Variants in NKAIN2 observed in about 807,000 individuals in gnomAD.
NKAIN2 encodes sodium/potassium transporting ATPase interacting 2, also known as sodium/potassium-transporting ATPase subunit beta-1-interacting protein 2.
In NKAIN2, 14 loss-of-function variants were observed where a neutral mutation model predicts 32.6. The observed-to-expected ratio is 0.43, with a 90% CI of 0.28 to 0.67. NKAIN2 has a LOEUF of 0.67. Ranked by LOEUF, NKAIN2 falls within the 30% of genes least tolerant of loss-of-function variation. NKAIN2 has a pLI of 0.17. For missense variants in NKAIN2, 198 were observed against 258.3 expected (o/e 0.77, Z 1.60); for synonymous variants, 80 against 87.2 (o/e 0.92, Z 0.46).
chr6:124,495,602 G>A (rs1313616072), intron 3 of NKAIN2, among the ~76,000 whole-genome samples: 3 of 152,142 alleles, frequency 2.0e-5, no homozygotes, highest in Admixed American at 6.6e-5. Flanking sequence ...GAGGAGCAAG[G>A]TCTGAGCTCT....
chr6:124,231,051 C>A (rs1792426294), intron 1 of NKAIN2, among the ~76,000 whole-genome samples: 1 of 152,238 alleles, frequency 6.6e-6, no homozygotes, highest in South Asian at 2.1e-4. Flanking sequence ...CCCTGCAAAA[C>A]TGCAGGGGCA....
intron 3 of NKAIN2, among the ~76,000 whole-genome samples, chr6:124,497,461 A>G (rs1053366568): frequency 6.6e-6 from 1 of 152,146 alleles, no homozygotes; most frequent in African/African-American, 2.4e-5. Context: ...TTTAATGAAA[A>G]TGCCACTTTT....
chr6:123,975,026 G>A (rs1039899185), intron 1 of NKAIN2, among the ~76,000 whole-genome samples: 3 of 152,122 alleles, frequency 2.0e-5, no homozygotes, highest in Non-Finnish European at 2.9e-5. Context: ...TTTAGCGTAT[G>A]TTTGGTTATT....
intron 1 of NKAIN2, among the ~76,000 whole-genome samples, chr6:124,068,770 C>A (rs1783307063): frequency 6.8e-6 from 1 of 147,880 alleles, no homozygotes; most frequent in African/African-American, 2.5e-5. Context: ...GGGAAGGGAA[C>A]CAGCAACCAC....
intron 3 of NKAIN2, among the ~76,000 whole-genome samples, chr6:124,430,229 A>G (rs137869107): frequency 3.0e-4 from 45 of 152,344 alleles, no homozygotes; most frequent in African/African-American, 1.1e-3. Context: ...ATATTTGAGA[A>G]AATAGCTCAA....
intron 1 of NKAIN2, among the ~76,000 whole-genome samples, chr6:123,905,930 T>A (rs1288017172): frequency 1.3e-5 from 2 of 152,160 alleles, no homozygotes; most frequent in African/African-American, 4.8e-5. Flanking sequence ...AGTGTGTATG[T>A]CATATATATA....
chr6:123,901,097 G>T (rs1478206644), intron 1 of NKAIN2, among the ~76,000 whole-genome samples: 2 of 152,038 alleles, frequency 1.3e-5, no homozygotes, highest in Non-Finnish European at 2.9e-5. Flanking sequence ...CTTTTGTGTT[G>T]ATATTATTGT....
At chr6:124,441,022 G>A (rs1775664459) in intron 3 of NKAIN2, among the ~76,000 whole-genome samples, 1 of 151,948 alleles carries the variant, frequency 6.6e-6, no homozygotes, top group African/African-American at 2.4e-5. Context: ...ATCCTTTCTG[G>A]GTATCACCTA....
At chr6:124,254,710 C>T (rs145722865) in intron 1 of NKAIN2, among the ~76,000 whole-genome samples, 411 of 152,188 alleles carry the variant, frequency 2.7e-3, no homozygotes, top group African/African-American at 9.3e-3. Flanking sequence ...TTCCTCTAAG[C>T]ACTGTTTTAC....
chr6:124,450,010 A>G (rs1019507286), intron 3 of NKAIN2, among the ~76,000 whole-genome samples: 8 of 152,164 alleles, frequency 5.3e-5, no homozygotes, highest in African/African-American at 1.9e-4. Context: ...GGATGCAGTC[A>G]CTAAATACTC....
At chr6:124,419,878 T>C (rs919951739) in intron 3 of NKAIN2, among the ~76,000 whole-genome samples, 7 of 152,126 alleles carry the variant, frequency 4.6e-5, no homozygotes, top group Non-Finnish European at 1.0e-4. Context: ...AAATACAAGA[T>C]TCTGAAGCAC....
chr6:124,469,277 T>C (rs1583298083), intron 3 of NKAIN2, among the ~76,000 whole-genome samples: 1 of 152,220 alleles, frequency 6.6e-6, no homozygotes, highest in Non-Finnish European at 1.5e-5. Context: ...TACAAAGTTA[T>C]AACATTGTGG....
intron 3 of NKAIN2, among the ~76,000 whole-genome samples, chr6:124,371,841 T>C (rs1237901045): frequency 1.3e-5 from 2 of 152,120 alleles, no homozygotes; most frequent in Admixed American, 1.3e-4. Context: ...CAAGTTTATA[T>C]CACTTCCCTG....
chr6:124,559,618 A>C (rs1780610868), intron 3 of NKAIN2, among the ~76,000 whole-genome samples: 1 of 152,112 alleles, frequency 6.6e-6, no homozygotes, highest in Non-Finnish European at 1.5e-5. Context: ...CTCTTTGGCT[A>C]ACAGAATGTA....
At chr6:123,993,398 C>T (rs573308401) in intron 1 of NKAIN2, among the ~76,000 whole-genome samples, 76 of 152,022 alleles carry the variant, frequency 5.0e-4, no homozygotes, top group Non-Finnish European at 9.0e-4. Flanking sequence ...ATAAAATTTA[C>T]AATTTTATAA....
intron 3 of NKAIN2, among the ~76,000 whole-genome samples, chr6:124,387,720 C>T (rs1772970869): frequency 6.6e-6 from 1 of 151,918 alleles, no homozygotes; most frequent in South Asian, 2.1e-4. Context: ...CTATTTTTCG[C>T]CTTTTAAAGA....
chr6:124,392,703 C>T (rs907561396), intron 3 of NKAIN2, among the ~76,000 whole-genome samples: 1 of 152,258 alleles, frequency 6.6e-6, no homozygotes, highest in South Asian at 2.1e-4. Context: ...AAATACAATT[C>T]TTCCTTCTAT....
chr6:123,937,845 C>A (rs1306060631), intron 1 of NKAIN2, among the ~76,000 whole-genome samples: 1 of 152,072 alleles, frequency 6.6e-6, no homozygotes, highest in Non-Finnish European at 1.5e-5. Flanking sequence ...ATTTCACAGC[C>A]TTCTTTGTAG....
intron 3 of NKAIN2, among the ~76,000 whole-genome samples, chr6:124,415,666 T>C (rs897130571): frequency 6.6e-6 from 1 of 152,112 alleles, no homozygotes; most frequent in African/African-American, 2.4e-5. Context: ...TTCCTTGGTC[T>C]TTCTGGTAAC....
Sources: gnomAD v4.1 joint callset for allele counts (sites outside exome capture counted in the v4.1 genomes callset) on GRCh38, gnomAD v4.1.1 for gene constraint, MANE v1.5 for transcripts, NCBI Gene and HGNC (gene_info 2026-07-23, HGNC 2026-07-21) for gene names.